Variants in HERC2 observed in about 807,000 individuals in gnomAD.
The protein encoded by HERC2 is HECT and RLD domain containing E3 ubiquitin protein ligase 2.
In HERC2, 102 loss-of-function variants were observed where a neutral mutation model predicts 537.7. That is an observed-to-expected ratio of 0.19 (90% confidence interval 0.16 to 0.22). The LOEUF is 0.22. HERC2 is among the 10% of genes least tolerant of loss of function. The pLI, the probability that HERC2 is intolerant of heterozygous loss-of-function variation, is 1.00. For synonymous variants in HERC2, 2,224 were observed against 2,466.2 expected (o/e 0.90, Z 2.91); for missense variants, 4,236 against 6,198.2 (o/e 0.68, Z 10.63).
chr15:28,173,969 C>A (rs929945677), intron 65 of HERC2, among the ~76,000 whole-genome samples: 4 of 151,910 alleles, frequency 2.6e-5, no homozygotes, highest in African/African-American at 9.7e-5. Flanking sequence ...AGTTCATTAT[C>A]TTTGATTGTG....
intron 59 of HERC2, 135 bp downstream of exon 59, chr15:28,178,752 T>G: frequency 9.9e-7 from 1 of 1,007,024 alleles, no homozygotes; most frequent in Non-Finnish European, 1.4e-6. Context: ...CACCTAGAGA[T>G]TTACATTATC....
At chr15:28,205,918 A>ACTTT (rs1308409218) in intron 45 of HERC2, among the ~76,000 whole-genome samples, 2 of 150,574 alleles carry the variant, frequency 1.3e-5, no homozygotes, top group African/African-American at 2.5e-5. Flanking sequence ...AGTCCTGACG[A>ACTTT]GCCTCTTTGA....
At chr15:28,298,246 CG>C (rs2076525280) in intron 3 of HERC2, among the ~76,000 whole-genome samples, 1 of 147,628 alleles carries the variant, frequency 6.8e-6, no homozygotes, top group African/African-American at 2.5e-5. Context: ...CTCCACCTCC[CG>C]GCTCCAAGCA....
At chr15:28,248,979 C>T (rs899764038) in intron 20 of HERC2, among the ~76,000 whole-genome samples, 1 of 152,160 alleles carries the variant, frequency 6.6e-6, no homozygotes, top group Non-Finnish European at 1.5e-5. Context: ...CACTAATGTG[C>T]GCCTATGGAG....
intron 69 of HERC2, among the ~76,000 whole-genome samples, chr15:28,161,142 T>C (rs1359252362): frequency 6.6e-6 from 1 of 152,232 alleles, no homozygotes; most frequent in Admixed American, 6.5e-5. Context: ...TGCTCAACTC[T>C]ACTTAAGTAC....
chr15:28,258,348 G>A (rs757524101), intron 16 of HERC2, among the ~76,000 whole-genome samples: 6 of 151,950 alleles, frequency 3.9e-5, no homozygotes, highest in Non-Finnish European at 5.9e-5. Context: ...GGTGCATGCC[G>A]GTAGTCCCAG....
At position 28,213,821 on chromosome 15, in the gene HERC2, A is replaced by C. The variant is rs766632055; in HGVS notation, c.6707T>G (p.Ile2236Ser). The C allele has an allele frequency of 6.2e-7, 1 of 1,614,012 alleles. No homozygotes were observed. Among genetic ancestry groups the C allele is most frequent in the Non-Finnish European group, 8.5e-7 (1 of 1,179,870 alleles). The change falls in exon 42 of 93, where the codon ATC (isoleucine) becomes AGC (serine). Residue 2236 changes from isoleucine to serine, a missense_variant. Transcript: ENST00000261609. ...CACGGTGATTTTGCCCTTTGGGGTG[A>C]TGCGAGTCACAGTGCCTTCTCCAAA... ...DEFGEGTVTR[I>S]TPKGKITVQF...
intron 5 of HERC2, among the ~76,000 whole-genome samples, chr15:28,279,611 A>C: frequency 7.0e-6 from 1 of 141,958 alleles, no homozygotes; most frequent in African/African-American, 2.8e-5. Context: ...GCAAGACCCC[A>C]TCTCCACACA....
intron 37 of HERC2, among the ~76,000 whole-genome samples, chr15:28,219,312 T>C (rs1261831597): frequency 6.6e-6 from 1 of 152,216 alleles, no homozygotes; most frequent in Non-Finnish European, 1.5e-5. Flanking sequence ...GAGGCCACCC[T>C]CTGCCGTGGG....
intron 2 of HERC2, among the ~76,000 whole-genome samples, chr15:28,313,706 T>C (rs1273440345): frequency 6.6e-6 from 1 of 152,084 alleles, no homozygotes; most frequent in Non-Finnish European, 1.5e-5. Flanking sequence ...TAGGACAACA[T>C]ATAAAAAATG....
chr15:28,287,624 G>A (rs1270695088), intron 4 of HERC2, among the ~76,000 whole-genome samples: 1 of 151,494 alleles, frequency 6.6e-6, no homozygotes, highest in African/African-American at 2.4e-5. Flanking sequence ...AGCTTCAAAT[G>A]CATTACTTCA....
At chr15:28,317,892 CTAT>C in intron 2 of HERC2, among the ~76,000 whole-genome samples, 1 of 152,286 alleles carries the variant, frequency 6.6e-6, no homozygotes, top group South Asian at 2.1e-4. Context: ...TCCTGAGAGT[CTAT>C]TATTATTTCA....
chr15:28,252,199 G>C (rs898215465), intron 20 of HERC2, among the ~76,000 whole-genome samples: 5 of 152,102 alleles, frequency 3.3e-5, no homozygotes, highest in African/African-American at 1.2e-4. Flanking sequence ...TCAGCAAACG[G>C]TGTTGAGTGT....
chr15:28,311,388 C>T (rs56220910), intron 2 of HERC2, among the ~76,000 whole-genome samples: 22,207 of 147,866 alleles, frequency 0.15, 74 homozygotes, highest in African/African-American at 0.35. Flanking sequence ...CACCTGAGCC[C>T]GGGGAGGTTA....
intron 69 of HERC2, among the ~76,000 whole-genome samples, chr15:28,158,182 C>T (rs1447221652): frequency 7.2e-5 from 11 of 152,102 alleles, no homozygotes; most frequent in South Asian, 2.1e-4. Context: ...GGAGTAAGTG[C>T]GGTGTGGTGC....
chr15:28,220,127 C>T (rs1325916818), intron 37 of HERC2, among the ~76,000 whole-genome samples: 3 of 152,192 alleles, frequency 2.0e-5, no homozygotes, highest in Non-Finnish European at 4.4e-5. Context: ...CTCGCTCAGA[C>T]ACAGGCTCAG....
In HERC2 at chr15:28,268,512, G is replaced by A. The variant is rs530364448; in HGVS notation, c.1551C>T (p.Tyr517=). ...YLALAATGEV[Y]SWGCGDGGRL... is the part of the protein sequence containing the mutation. ...GTCCGCCGTCCCCACAGCCCCAGGAGTACACCTCTCCAGTAGCAGCCAAGG... is the reference window on the plus strand; with the variant it reads ...GTCCGCCGTCCCCACAGCCCCAGGAATACACCTCTCCAGTAGCAGCCAAGG... The change falls in exon 12 of 93, where the codon TAC becomes TAT. Residue 517 remains tyrosine, a synonymous_variant. Transcript: ENST00000261609. The surrounding 1 kb of genome is among the most constrained non-coding windows in gnomAD (Gnocchi z 4.7). 6.2e-7 allele frequency: 1 copy of A among 1,614,104 alleles called. No homozygotes were observed. Among genetic ancestry groups the A allele is most frequent in the South Asian group, 1.1e-5 (1 of 91,078 alleles).
intron 7 of HERC2, among the ~76,000 whole-genome samples, chr15:28,273,404 A>C (rs771511433): frequency 6.6e-6 from 1 of 152,264 alleles, no homozygotes; most frequent in African/African-American, 2.4e-5. Flanking sequence ...ACCACCTTAG[A>C]ATCTGGAGGC....
intron 45 of HERC2, among the ~76,000 whole-genome samples, chr15:28,205,355 A>T (rs1898324960): frequency 8.3e-6 from 1 of 120,472 alleles, no homozygotes; most frequent in African/African-American, 3.9e-5. Context: ...CAGGCCCTTT[A>T]AAATGAACCT....
Sources: allele counts gnomAD v4.1 joint callset (sites outside exome capture counted in the v4.1 genomes callset), GRCh38; gene constraint gnomAD v4.1.1; non-coding constraint Gnocchi (gnomAD v3.1); transcripts MANE v1.5; gene names NCBI Gene and HGNC (gene_info 2026-07-23, HGNC 2026-07-21).